ITGA1: variants seen among roughly 807,000 people sequenced by gnomAD.
ITGA1 encodes the protein integrin alpha-1.
Under a neutral mutation model 145.9 loss-of-function variants are expected in ITGA1, and 85 were observed. The observed-to-expected ratio is 0.58, with a 90% confidence interval of 0.49 to 0.70. The LOEUF is 0.70. Ranked by LOEUF, ITGA1 falls within the 30% of genes least tolerant of loss-of-function variation. The probability of loss-of-function intolerance (pLI) is 0.00; values close to 1 mark genes in which losing one functional copy is unlikely to be tolerated. For missense variants in ITGA1, 1,351 were observed against 1,418.7 expected, an observed-to-expected ratio of 0.95 and a Z score of 0.77; for synonymous variants, 520 against 495.3, an observed-to-expected ratio of 1.05 and a Z score of -0.66.
At chr5:52,816,735 C>T (rs1477959067) in intron 1 of ITGA1, among the ~76,000 whole-genome samples, 1 of 152,142 alleles carries the variant, frequency 6.6e-6, no homozygotes, top group African/African-American at 2.4e-5. Context: ...TCCCAGAATT[C>T]CTGAGGTATA....
At chr5:52,874,567 A>G (rs1401615571) in intron 6 of ITGA1, among the ~76,000 whole-genome samples, 1 of 152,138 alleles carries the variant, frequency 6.6e-6, no homozygotes, top group Non-Finnish European at 1.5e-5. Context: ...GTGTTTTCTG[A>G]TAGTGTCCTT....
At chr5:52,893,544 A>T in intron 8 of ITGA1, 131 bp from the exon 9 acceptor site, 1 of 704,726 alleles carries the variant, frequency 1.4e-6, no homozygotes. Context: ...CTCTTCCATA[A>T]ATATGAAAGT....
At chr5:52,900,879 A>C (rs1187394913) in intron 11 of ITGA1, among the ~76,000 whole-genome samples, 4 of 152,130 alleles carry the variant, frequency 2.6e-5, no homozygotes, top group Non-Finnish European at 5.9e-5. Flanking sequence ...GGTGTTGTCT[A>C]TTATTTTATT....
chr5:52,835,572 G>GT lies in ITGA1; in HGVS notation c.62-13792dup, dbSNP rs534326386. Among the ~76,000 whole-genome samples the GT allele has an allele frequency of 2.0e-4, 30 of 152,268 alleles. No individual in the cohort carries two copies. The East Asian group carries it at 3.7e-3, about 19-fold the overall frequency. ...CCAGAGTAGTAATGAGATTGGAAAG[G>GT]TCAAATGAGCCCTCATTTTAATGGG... On this transcript the variant is annotated intron_variant, in intron 1 of 28. Coordinates refer to ENST00000282588, the MANE Select transcript of ITGA1 (RefSeq NM_181501.2).
intron 1 of ITGA1, among the ~76,000 whole-genome samples, chr5:52,806,497 A>G (rs1014375384): frequency 1.3e-5 from 2 of 152,072 alleles, no homozygotes; most frequent in Admixed American, 6.6e-5. Flanking sequence ...AATACCATTC[A>G]AAAACATTGG....
At chr5:52,916,044 GT>G (rs1273935085) in intron 15 of ITGA1, among the ~76,000 whole-genome samples, 1 of 152,180 alleles carries the variant, frequency 6.6e-6, no homozygotes, top group East Asian at 1.9e-4. Context: ...GGCATCTTAA[GT>G]AATATCTTCG....
chr5:52,869,648 G>A (rs1324127691), intron 6 of ITGA1, among the ~76,000 whole-genome samples: 1 of 152,128 alleles, frequency 6.6e-6, no homozygotes, highest in East Asian at 1.9e-4. Flanking sequence ...GTTTACTGTG[G>A]CACAGTAAGT....
At chr5:52,913,198 G>T (rs1230037271) in intron 14 of ITGA1, among the ~76,000 whole-genome samples, 1 of 152,064 alleles carries the variant, frequency 6.6e-6, no homozygotes, top group Non-Finnish European at 1.5e-5. Flanking sequence ...GACATTTAGT[G>T]TGTCCCGTTC....
At chr5:52,935,215 G>T (rs1750948073) in intron 23 of ITGA1, among the ~76,000 whole-genome samples, 1 of 151,944 alleles carries the variant, frequency 6.6e-6, no homozygotes. Context: ...TCTAGAATTG[G>T]AATAAAGGAG....
chr5:52,900,083 G>A (rs1254398914), intron 11 of ITGA1, among the ~76,000 whole-genome samples: 1 of 152,108 alleles, frequency 6.6e-6, no homozygotes, highest in Non-Finnish European at 1.5e-5. Flanking sequence ...ACTTTTTTGG[G>A]TGAGAGACAA....
At chr5:52,909,768 G>T (rs1228616493) in intron 13 of ITGA1, among the ~76,000 whole-genome samples, 38 of 141,406 alleles carry the variant, frequency 2.7e-4, no homozygotes, top group African/African-American at 8.6e-4. Flanking sequence ...TTCTGTCTGG[G>T]TTTTTTTTTT....
At chr5:52,865,141 T>A in intron 5 of ITGA1, 59 bp downstream of exon 5, 1 of 1,214,982 alleles carries the variant, frequency 8.2e-7, no homozygotes, top group Non-Finnish European at 1.2e-6. Flanking sequence ...GAATGAGACG[T>A]ATGTATACAA....
chr5:52,952,138 G>A lies in ITGA1; in HGVS notation c.3496-269G>A, dbSNP rs1280020319. Among the ~76,000 whole-genome samples the A allele has an allele frequency of 4.6e-5, 7 of 151,032 alleles. No homozygotes were observed. The South Asian group carries it at 1.0e-3, about 23-fold the overall frequency. On this transcript the variant is annotated intron_variant, in intron 28 of 28. Transcript: ENST00000282588. ...CCGGGTGGCGGAGGTTGCAGTGAGC[G>A]GAGATCACGCCACTGCACTCCAGCC...
rs753908033 is a variant in ITGA1 at position 52,908,909 on chromosome 5, C to T, written c.1467C>T (p.Tyr489=). The T allele has an allele frequency of 2.4e-5, 39 of 1,613,572 alleles. No individual in the cohort carries two copies. The Admixed American group carries it at 3.2e-4, about 13-fold the overall frequency. ...ATTTTGTGTCCTAGATTGGTTCCTA[C>T]TTTGGCAGTATTTTAACAACAACTG... is the stretch of plus-strand genomic sequence containing the variant. ...QTLSGEQIGS[Y]FGSILTTTDI... Residue 489 remains tyrosine (Y), a synonymous_variant, in exon 13 of 29, where the codon TAC becomes TAT. Coordinates refer to ENST00000282588, the MANE Select transcript of ITGA1 (RefSeq NM_181501.2).
At chr5:52,819,240 TG>T (rs1748827358) in intron 1 of ITGA1, among the ~76,000 whole-genome samples, 4 of 152,232 alleles carry the variant, frequency 2.6e-5, no homozygotes, top group Admixed American at 2.6e-4. Flanking sequence ...CCACAATGGT[TG>T]AACTAGTTTA....
intron 9 of ITGA1, among the ~76,000 whole-genome samples, chr5:52,896,563 T>G (rs1750229295): frequency 6.6e-6 from 1 of 152,208 alleles, no homozygotes; most frequent in Non-Finnish European, 1.5e-5. Flanking sequence ...TTCACAAATT[T>G]GATTATTCTC....
chr5:52,788,350 G>A lies in ITGA1; in HGVS notation c.-4G>A, dbSNP rs775293472. The A allele has an allele frequency of 6.6e-7, 1 of 1,506,628 alleles. No individual in the cohort carries two copies. Among genetic ancestry groups the A allele is most frequent in the Admixed American group, 2.1e-5 (1 of 47,352 alleles). The allele number at this position is 1,506,628 out of a possible 1,614,324, so 93.3% of individuals were successfully genotyped here. A position where few individuals can be genotyped will look rare whatever the true frequency, so the allele number is the denominator to read the frequency against. ...GGCCCCCTGGCGCTGAGGCTGCTCC[G>A]GCCATGGCCCCTCGGCCCCGCGCCC... On this transcript the variant is annotated 5_prime_UTR_variant, in exon 1 of 29. Transcript: ENST00000282588.
chr5:52,804,467 T>C (rs1279189945), intron 1 of ITGA1, among the ~76,000 whole-genome samples: 1 of 152,194 alleles, frequency 6.6e-6, no homozygotes, highest in East Asian at 1.9e-4. Flanking sequence ...GATTTCACTT[T>C]CATTACCGTC....
intron 1 of ITGA1, chr5:52,824,385 G>A (rs530719628): frequency 2.7e-5 from 4 of 150,332 alleles, no homozygotes; most frequent in South Asian, 2.1e-4. Context: ...TCTGCCTCCC[G>A]AGTTCAAGAG....
Sources: gnomAD v4.1 joint callset for allele counts (sites outside exome capture counted in the v4.1 genomes callset) on GRCh38, gnomAD v4.1.1 for gene constraint, MANE v1.5 for transcripts, NCBI Gene and HGNC (gene_info 2026-07-23, HGNC 2026-07-21) for gene names.